INSYN2B: variants seen among roughly 807,000 people sequenced by gnomAD.
INSYN2B encodes the protein inhibitory synaptic factor family member 2B.
INSYN2B carries 16 observed loss-of-function variants against 41.2 expected under a neutral mutation model. That is an observed-to-expected ratio of 0.39 (90% CI 0.26 to 0.59). The LOEUF is 0.59. Among genes scored for constraint, INSYN2B ranks in the 20% least tolerant of loss-of-function variants. INSYN2B has a pLI of 0.57. For synonymous variants in INSYN2B, 245 were observed against 244.4 expected (o/e 1.00, Z -0.02); for missense variants, 608 against 646.4 (o/e 0.94, Z 0.64).
chr5:169,962,252 C>T (rs1217049045), intron 1 of INSYN2B, among the ~76,000 whole-genome samples: 2 of 151,990 alleles, frequency 1.3e-5, no homozygotes, highest in Admixed American at 6.6e-5. Context: ...AGGGAGACAT[C>T]GTGGTGGACT....
Position 169,882,875 on chromosome 5 carries a change from G to A in INSYN2B, c.1024C>T (p.Leu342Phe), listed in dbSNP as rs1772741213. Residue 342 changes from leucine (L) to phenylalanine (F), a missense_variant, in exon 2 of 4, where the codon CTC becomes TTC. Transcript: ENST00000377365. ...SSNNHQNLVS[L>F]KTNSASKSAP... ...GATTTCGATGCACTGTTAGTTTTGA[G>A]TGACACCAGATTCTGGTGATTGTTA... The A allele has an allele frequency of 1.3e-6, 2 of 1,551,490 alleles. No individual in the cohort carries two copies. The highest frequency in any genetic ancestry group is 2.0e-5 in the Admixed American group (1 of 50,968).
chr5:169,883,198 T>C lies in INSYN2B; in HGVS notation c.701A>G (p.His234Arg). The change falls in exon 2 of 4, where the codon CAC becomes CGC. Residue 234 changes from histidine to arginine, a missense_variant. Transcript: ENST00000377365. ...DRSAEVSNSI[H>R]PLDDTRPGDG... ...ACCTGGACGTGTGTCATCCAAAGGG[T>C]GTATGGAGTTACTTACTTCAGCTGA... 2 of 1,551,464 alleles carry C rather than the reference T, an allele frequency of 1.3e-6. No homozygotes were observed. Among genetic ancestry groups the C allele is most frequent in the Non-Finnish European group, 1.7e-6 (2 of 1,146,914 alleles).
chr5:169,943,423 T>TA (rs1776321029), intron 1 of INSYN2B, among the ~76,000 whole-genome samples: 1 of 152,062 alleles, frequency 6.6e-6, no homozygotes, highest in East Asian at 1.9e-4. Flanking sequence ...CCCAGACTTT[T>TA]AAAAAATGTG....
chr5:169,939,969 T>C (rs1450447461), intron 1 of INSYN2B, among the ~76,000 whole-genome samples: 3 of 152,220 alleles, frequency 2.0e-5, no homozygotes, highest in Admixed American at 6.5e-5. Context: ...TAAGGATAGT[T>C]GGCTATGAAG....
At chr5:169,907,919 A>G (rs893907121) in intron 1 of INSYN2B, among the ~76,000 whole-genome samples, 3 of 152,238 alleles carry the variant, frequency 2.0e-5, no homozygotes, top group Admixed American at 1.3e-4. Flanking sequence ...CCGTGTCGGT[A>G]AACATCTCTT....
chr5:169,896,648 A>G (rs552960197), intron 1 of INSYN2B, among the ~76,000 whole-genome samples: 1 of 152,310 alleles, frequency 6.6e-6, no homozygotes, highest in Admixed American at 6.5e-5. Context: ...CATTATTACT[A>G]TAGGCAGTAT....
At chr5:169,978,975 A>G (rs1777838393) in intron 1 of INSYN2B, among the ~76,000 whole-genome samples, 1 of 152,170 alleles carries the variant, frequency 6.6e-6, no homozygotes, top group South Asian at 2.1e-4. Context: ...CTGGAATTTA[A>G]TATGCAAGTC....
At chr5:169,895,541 T>C (rs1426834987) in intron 1 of INSYN2B, among the ~76,000 whole-genome samples, 1 of 152,062 alleles carries the variant, frequency 6.6e-6, no homozygotes, top group East Asian at 1.9e-4. Context: ...CCTCTTCTTT[T>C]GGGGGTAGGA....
intron 1 of INSYN2B, among the ~76,000 whole-genome samples, chr5:169,957,424 G>A (rs1450878220): frequency 6.6e-6 from 1 of 152,182 alleles, no homozygotes; most frequent in Non-Finnish European, 1.5e-5. Context: ...TGTTAGCTTA[G>A]TACTACTTTT....
At position 169,883,266 on chromosome 5, in the gene INSYN2B, A is replaced by G. The variant is rs1772773015; in HGVS notation, c.633T>C (p.Ser211=). The G allele has an allele frequency of 6.4e-7, 1 of 1,551,612 alleles. No individual in the cohort carries two copies. The highest frequency in any genetic ancestry group is 8.7e-7 in the Non-Finnish European group (1 of 1,146,956). The change falls in exon 2 of 4, where the codon AGT becomes AGC. Residue 211 remains serine (S), a synonymous_variant. Transcript: ENST00000377365. Reference sequence around the variant, plus strand: ...CAGACTCTCTAGCTTCCCAGGAAGGACTGTGATAAATATCATCTGGAACCT... The same window carrying G: ...CAGACTCTCTAGCTTCCCAGGAAGGGCTGTGATAAATATCATCTGGAACCT... The part of the protein sequence containing the change: ...AIQVPDDIYH[S]PSWEARESAL...
At chr5:169,940,859 T>A (rs1375430594) in intron 1 of INSYN2B, among the ~76,000 whole-genome samples, 2 of 152,190 alleles carry the variant, frequency 1.3e-5, no homozygotes, top group Non-Finnish European at 2.9e-5. Context: ...CAGTTCATGG[T>A]CCAGGTGTTG....
intron 1 of INSYN2B, among the ~76,000 whole-genome samples, chr5:169,942,370 T>C (rs1315649399): frequency 6.6e-6 from 1 of 152,190 alleles, no homozygotes; most frequent in Non-Finnish European, 1.5e-5. Context: ...AGGAGAAATA[T>C]GTAAAGATGC....
intron 1 of INSYN2B, among the ~76,000 whole-genome samples, chr5:169,929,397 C>T (rs1368744047): frequency 6.6e-6 from 1 of 152,040 alleles, no homozygotes; most frequent in African/African-American, 2.4e-5. Context: ...AAACGATATA[C>T]AGAACTCCTA....
intron 1 of INSYN2B, among the ~76,000 whole-genome samples, chr5:169,917,965 G>A (rs1412998778): frequency 1.3e-5 from 2 of 152,208 alleles, no homozygotes; most frequent in African/African-American, 4.8e-5. Context: ...AGGACTGAAA[G>A]GAGCCCTGAG....
chr5:169,884,004 C>A lies in INSYN2B; in HGVS notation c.-106G>T, dbSNP rs1772826382. 1.7e-6 allele frequency: 2 copies of A among 1,157,350 alleles called. No individual in the cohort carries two copies. The highest frequency in any genetic ancestry group is 6.2e-5 in the Admixed American group (2 of 32,278). 71.7% of individuals were successfully genotyped at this position (1,157,350 alleles called of 1,614,324 possible). The stretch of plus-strand genomic sequence containing the variant: ...ATAGTATTTCAATCATAGAGAACTG[C>A]TGGCCAGGATGGAGTGGTCCTCTCC... On this transcript the variant is annotated 5_prime_UTR_variant, in exon 2 of 4. Transcript: ENST00000377365.
chr5:169,897,867 AAAG>A (rs2113565811), intron 1 of INSYN2B, among the ~76,000 whole-genome samples: 1 of 152,344 alleles, frequency 6.6e-6, no homozygotes, highest in South Asian at 2.1e-4. Context: ...TGGACTCTCA[AAAG>A]AAGAGCTGAG....
rs1173475139 is a variant in INSYN2B, at chr5:169,883,658, G to A, written c.241C>T (p.Leu81Phe). The change falls in exon 2 of 4, where the codon CTC becomes TTC. Residue 81 changes from leucine (L) to phenylalanine (F), a missense_variant. Transcript: ENST00000377365. ...GCCTTCTGGGACCTGGGGAAGGAGA[G>A]CGAGTAGGTGGGGGGAAGATGGTGC... Reference protein sequence around the residue: ...TRHHLPPTYSLSFPRSQKAGG... With the variant: ...TRHHLPPTYSFSFPRSQKAGG... 1.3e-6 allele frequency: 2 copies of A among 1,551,128 alleles called. No homozygotes were observed. The highest frequency in any genetic ancestry group is 1.7e-6 in the Non-Finnish European group (2 of 1,146,656).
At chr5:169,904,172 T>C (rs2113594150) in intron 1 of INSYN2B, among the ~76,000 whole-genome samples, 1 of 151,976 alleles carries the variant, frequency 6.6e-6, no homozygotes, top group Non-Finnish European at 1.5e-5. Context: ...TGTACTTTCT[T>C]GGGTAAAAGC....
At chr5:169,873,563 G>A (rs1453668924) in intron 3 of INSYN2B, among the ~76,000 whole-genome samples, 3 of 152,178 alleles carry the variant, frequency 2.0e-5, no homozygotes, top group African/African-American at 7.2e-5. Flanking sequence ...CCAGAGGGAG[G>A]ACTGTGGCTG....
Sources: gnomAD v4.1 joint callset for allele counts (sites outside exome capture counted in the v4.1 genomes callset) on GRCh38, gnomAD v4.1.1 for gene constraint, MANE v1.5 for transcripts, NCBI Gene and HGNC (gene_info 2026-07-23, HGNC 2026-07-21) for gene names.